The following PCDH15 variants were observed in gnomAD, a reference collection of about 807,000 sequenced individuals.
PCDH15 encodes the protein protocadherin related 15.
Under a neutral mutation model 178.5 loss-of-function variants are expected in PCDH15, and 129 were observed. The ratio of observed to expected loss-of-function variants is 0.72; its 90% confidence interval spans 0.63 to 0.84. The LOEUF is 0.84. PCDH15 is among the 40% of genes least tolerant of loss of function. PCDH15 has a pLI of 0.00. For synonymous variants in PCDH15, 800 were observed against 732.0 expected (o/e 1.09, Z -1.50); for missense variants, 2,230 against 2,099.9 (o/e 1.06, Z -1.21).
At chr10:55,577,475 T>C (rs1842519058) in intron 2 of PCDH15, among the ~76,000 whole-genome samples, 1 of 152,186 alleles carries the variant, frequency 6.6e-6, no homozygotes, top group South Asian at 2.1e-4. Context: ...GTCAACTATG[T>C]ATTTATACTA....
intron 6 of PCDH15, among the ~76,000 whole-genome samples, chr10:54,341,578 C>T (rs1268038915): frequency 1.3e-5 from 2 of 152,160 alleles, no homozygotes; most frequent in East Asian, 1.9e-4. Context: ...TAGTGGAGTA[C>T]TGTTAAGATG....
rs7898717 is a variant in PCDH15, at chr10:55,110,249, T to A, written c.-80+56327A>T. Among the ~76,000 whole-genome samples the A allele has an allele frequency of 3.9e-3, 591 of 152,156 alleles. 6 individuals are homozygous for A. Among genetic ancestry groups the A allele is most frequent in the African/African-American group, 0.014 (572 of 41,560 alleles). On this transcript the variant is annotated intron_variant, in intron 2 of 5. Coordinates refer to the PCDH15 transcript ENST00000458638. ...TATCAGGTAAGTTCATTATACTTTC[T>A]AAGGATACAGAAATCACAACAGGGG...
chr10:53,848,080 A>G (rs891122303), intron 28 of PCDH15, among the ~76,000 whole-genome samples: 1 of 152,058 alleles, frequency 6.6e-6, no homozygotes, highest in Non-Finnish European at 1.5e-5. Context: ...TTGTGAATAA[A>G]TTGAAGAAAG....
intron 2 of PCDH15, among the ~76,000 whole-genome samples, chr10:55,481,185 C>A (rs1208839091): frequency 6.6e-6 from 1 of 151,356 alleles, no homozygotes; most frequent in Admixed American, 6.6e-5. Context: ...TGGTAATATC[C>A]CCCTTATCAT....
intron 2 of PCDH15, among the ~76,000 whole-genome samples, chr10:55,460,531 C>T (rs1572232): frequency 0.77 from 116,384 of 151,990 alleles, 45,917 homozygotes; most frequent in East Asian, 0.99. Flanking sequence ...TTTCACCGGA[C>T]GCGTTTTGGT....
At chr10:54,101,806 GA>G (rs967351874) in intron 15 of PCDH15, among the ~76,000 whole-genome samples, 1 of 150,442 alleles carries the variant, frequency 6.6e-6, no homozygotes, top group Non-Finnish European at 1.5e-5. Context: ...TCTATACCAA[GA>G]AAAAAAAAGA....
chr10:54,305,708 C>A (rs1362355186), intron 8 of PCDH15, among the ~76,000 whole-genome samples: 1 of 151,808 alleles, frequency 6.6e-6, no homozygotes, highest in Non-Finnish European at 1.5e-5. Flanking sequence ...TTATCTAATT[C>A]TTGAGGGAAC....
rs147147373 is a variant in PCDH15 at position 54,165,430 on chromosome 10, A to G, written c.1591-12137T>C. On this transcript the variant is annotated intron_variant, in intron 13 of 37. Coordinates refer to ENST00000644397, the MANE Select transcript of PCDH15 (RefSeq NM_001384140.1). Reference sequence around the variant, plus strand: ...TTCTTCCCAAAAAAAGGCAAGAAATAAAACAACAAGAAGATGACTTTAAAG... The same window carrying G: ...TTCTTCCCAAAAAAAGGCAAGAAATGAAACAACAAGAAGATGACTTTAAAG... Among the ~76,000 whole-genome samples the G allele has an allele frequency of 3.9e-5, 6 of 152,320 alleles. No homozygotes were observed. In the East Asian group the frequency reaches 1.2e-3, roughly 29 times the overall value.
chr10:53,865,130 A>G (rs550680637), intron 27 of PCDH15, among the ~76,000 whole-genome samples: 9 of 152,314 alleles, frequency 5.9e-5, no homozygotes, highest in African/African-American at 1.9e-4. Flanking sequence ...TACTAATTAT[A>G]GAATTTTGTA....
intron 25 of PCDH15, among the ~76,000 whole-genome samples, chr10:53,917,866 C>CT (rs2083658208): frequency 6.6e-6 from 1 of 152,020 alleles, no homozygotes; most frequent in Non-Finnish European, 1.5e-5. Flanking sequence ...ATTTCTCACT[C>CT]TGAGTTCTCA....
At chr10:54,066,127 T>G (rs1360890898) in intron 18 of PCDH15, among the ~76,000 whole-genome samples, 1 of 152,190 alleles carries the variant, frequency 6.6e-6, no homozygotes, top group African/African-American at 2.4e-5. Flanking sequence ...TCCAATTTTT[T>G]TCTTCTTTGT....
chr10:53,821,095 A>AAAGTC, intron 32 of PCDH15: 1 of 978,144 alleles, frequency 1.0e-6, no homozygotes, highest in African/African-American at 1.7e-5. Context: ...ATGCCTTACA[A>AAAGTC]AAGTCAACGA....
chr10:54,745,300 ATTGACT>A (rs146428043), intron 1 of PCDH15, among the ~76,000 whole-genome samples: 2,771 of 151,728 alleles, frequency 0.018, 82 homozygotes, highest in African/African-American at 0.062. Context: ...TAGATTGCTG[ATTGACT>A]TTAACTATAG....
intron 2 of PCDH15, among the ~76,000 whole-genome samples, chr10:55,132,635 T>TA (rs1324766861): frequency 2.0e-5 from 3 of 152,238 alleles, no homozygotes; most frequent in East Asian, 1.9e-4. Context: ...TAAAAGAATT[T>TA]AAAAAAAGCA....
Position 54,482,187 on chromosome 10 carries a change from A to G in PCDH15, c.157+45625T>C, listed in dbSNP as rs372573804. On this transcript the variant is annotated intron_variant, in intron 3 of 37. Coordinates refer to ENST00000644397, the MANE Select transcript of PCDH15 (RefSeq NM_001384140.1). ...GAACTTCTAATACCTATTAAGAAAA[A>G]AGTTATTTAAAAATGTTTGGAATTT... Among the ~76,000 whole-genome samples, 13 of 151,986 alleles carry G rather than the reference A, an allele frequency of 8.6e-5. No individual in the cohort carries two copies. The East Asian group carries it at 2.3e-3, about 27-fold the overall frequency.
chr10:54,594,763 T>G (rs1336355406), intron 2 of PCDH15, among the ~76,000 whole-genome samples: 1 of 152,156 alleles, frequency 6.6e-6, no homozygotes, highest in East Asian at 1.9e-4. Flanking sequence ...CTGGCTTGAG[T>G]GTGCCCCATC....
rs772665804 is a variant in PCDH15, at chr10:53,822,230, T to G, written c.4368-2000A>C. 4 of 1,613,810 alleles carry G rather than the reference T, an allele frequency of 2.5e-6. No individual in the cohort carries two copies. In the South Asian group the frequency reaches 4.4e-5, roughly 18 times the overall value. On this transcript the variant is annotated intron_variant, in intron 32 of 37. Transcript: ENST00000644397. ...CACACTCTGTGGACAGAAATGAAGC[T>G]GAAGGAGGTGGAGGGCAAGGAATAG... is the stretch of plus-strand genomic sequence containing the variant.
intron 2 of PCDH15, among the ~76,000 whole-genome samples, chr10:55,051,666 C>T (rs1841165513): frequency 6.6e-6 from 1 of 152,078 alleles, no homozygotes; most frequent in Non-Finnish European, 1.5e-5. Flanking sequence ...CATACAGAAA[C>T]CGTAACAATC....
intron 1 of PCDH15, among the ~76,000 whole-genome samples, chr10:55,293,135 C>G (rs1843048970): frequency 6.6e-6 from 1 of 152,184 alleles, no homozygotes; most frequent in Non-Finnish European, 1.5e-5. Context: ...TTTGCACCCA[C>G]TGGCTCCATA....
Sources: gnomAD v4.1 joint callset for allele counts (sites outside exome capture counted in the v4.1 genomes callset) on GRCh38, gnomAD v4.1.1 for gene constraint, MANE v1.5 for transcripts, NCBI Gene and HGNC (gene_info 2026-07-23, HGNC 2026-07-21) for gene names.